Variants in ANKS1B observed in about 807,000 individuals in gnomAD.
The protein encoded by ANKS1B is ankyrin repeat and sterile alpha motif domain-containing protein 1B.
A neutral mutation model predicts 148.3 loss-of-function variants in ANKS1B; 36 were observed. The observed-to-expected ratio is 0.24, with a 90% CI of 0.19 to 0.32. ANKS1B has a LOEUF of 0.32. Among genes scored for constraint, ANKS1B ranks in the 10% least tolerant of loss-of-function variants. ANKS1B has a pLI of 1.00. For missense variants in ANKS1B, 1,157 were observed against 1,542.6 expected (o/e 0.75, Z 4.19); for synonymous variants, 542 against 560.8 (o/e 0.97, Z 0.47).
intron 9 of ANKS1B, chr12:99,648,229 G>T: frequency 6.2e-7 from 1 of 1,614,126 alleles, no homozygotes; most frequent in South Asian, 1.1e-5. Flanking sequence ...CCCCGCAATG[G>T]GCATGTTTAA....
intron 9 of ANKS1B, among the ~76,000 whole-genome samples, chr12:99,602,918 T>C (rs938880119): frequency 7.9e-5 from 12 of 152,110 alleles, no homozygotes; most frequent in Admixed American, 4.6e-4. Flanking sequence ...ATCTGACACA[T>C]AATTTTTCTC....
At chr12:98,893,106 C>T (rs2099756144) in intron 17 of ANKS1B, among the ~76,000 whole-genome samples, 1 of 152,154 alleles carries the variant, frequency 6.6e-6, no homozygotes, top group Non-Finnish European at 1.5e-5. Context: ...TTGTATGACA[C>T]TGGCATCAAG....
intron 1 of ANKS1B, among the ~76,000 whole-genome samples, chr12:99,951,378 C>T (rs1363545133): frequency 6.6e-6 from 1 of 152,150 alleles, no homozygotes; most frequent in Non-Finnish European, 1.5e-5. Context: ...TTGTATCAGG[C>T]AACCTGTAGC....
intron 8 of ANKS1B, among the ~76,000 whole-genome samples, chr12:99,674,259 TATAC>T (rs973657396): frequency 2.0e-5 from 3 of 151,872 alleles, no homozygotes; most frequent in African/African-American, 7.2e-5. Flanking sequence ...TTATATAAGT[TATAC>T]ATAAAGTGAG....
chr12:98,811,336 C>T (rs2099093903), intron 19 of ANKS1B, among the ~76,000 whole-genome samples: 1 of 152,198 alleles, frequency 6.6e-6, no homozygotes, highest in Non-Finnish European at 1.5e-5. Context: ...ACTCCTTCTG[C>T]ACATCCATGT....
At chr12:99,794,404 A>G (rs1420642916) in intron 4 of ANKS1B, among the ~76,000 whole-genome samples, 1 of 151,452 alleles carries the variant, frequency 6.6e-6, no homozygotes, top group Admixed American at 6.6e-5. Flanking sequence ...ACAATAGCCA[A>G]GATTTGGAAG....
intron 24 of ANKS1B, among the ~76,000 whole-genome samples, chr12:98,776,800 G>C (rs2098681569): frequency 6.6e-6 from 1 of 152,226 alleles, no homozygotes. Flanking sequence ...GAGCTAACTG[G>C]TGATGCCCTG....
In ANKS1B at chr12:98,844,737, G is replaced by A. The variant is rs1226268731; in HGVS notation, c.2779-12601C>T. 2.0e-5 allele frequency among the ~76,000 whole-genome samples: 3 copies of A among 152,148 alleles called. No homozygotes were observed. In the South Asian group the frequency reaches 6.2e-4, roughly 32 times the overall value. ...ATGGCTCTGTCATAACCTGTTGGGG[G>A]ACCACTGATTGAATGCCACAGGCTC... On this transcript the variant is annotated intron_variant, in intron 17 of 26. Coordinates refer to ENST00000683438, the MANE Select transcript of ANKS1B (RefSeq NM_001352186.2).
At chr12:99,330,512 A>G (rs2087300433) in intron 12 of ANKS1B, among the ~76,000 whole-genome samples, 1 of 152,010 alleles carries the variant, frequency 6.6e-6, no homozygotes, top group African/African-American at 2.4e-5. Flanking sequence ...TGATTGTTCT[A>G]TAAAACAAAT....
intron 22 of ANKS1B, among the ~76,000 whole-genome samples, chr12:98,794,256 G>A (rs1165030996): frequency 1.3e-5 from 2 of 151,918 alleles, no homozygotes; most frequent in African/African-American, 4.8e-5. Context: ...GCCAGGCATG[G>A]TGGCAGGCGC....
At chr12:99,240,965 C>T (rs948302288) in intron 14 of ANKS1B, among the ~76,000 whole-genome samples, 7 of 152,188 alleles carry the variant, frequency 4.6e-5, no homozygotes, top group East Asian at 3.9e-4. Context: ...AAAATTGACA[C>T]GCTAACATCA....
intron 25 of ANKS1B, among the ~76,000 whole-genome samples, chr12:98,758,873 C>T (rs566504573): frequency 2.7e-5 from 4 of 150,634 alleles, no homozygotes; most frequent in South Asian, 4.2e-4. Flanking sequence ...CTCCACCTCC[C>T]GGGTTCAAGT....
At chr12:99,022,639 G>A (rs2099946469) in intron 17 of ANKS1B, among the ~76,000 whole-genome samples, 1 of 151,982 alleles carries the variant, frequency 6.6e-6, no homozygotes, top group South Asian at 2.1e-4. Flanking sequence ...TCTGTGTTTT[G>A]TTACTGAATT....
intron 1 of ANKS1B, among the ~76,000 whole-genome samples, chr12:99,832,733 AAG>A (rs543241140): frequency 1.3e-4 from 19 of 150,838 alleles, no homozygotes; most frequent in East Asian, 9.7e-4. Flanking sequence ...TTAAAAAAAA[AAG>A]AGAGAGAGAG....
At chr12:99,874,458 G>T (rs1344677451) in intron 1 of ANKS1B, among the ~76,000 whole-genome samples, 1 of 152,034 alleles carries the variant, frequency 6.6e-6, no homozygotes, top group Non-Finnish European at 1.5e-5. Context: ...CTGAAATTTA[G>T]TTTTTCATTG....
At chr12:99,158,786 T>C (rs927196953) in intron 14 of ANKS1B, among the ~76,000 whole-genome samples, 1 of 152,148 alleles carries the variant, frequency 6.6e-6, no homozygotes, top group Non-Finnish European at 1.5e-5. Context: ...CTCATCTCCA[T>C]AGATGCTCCA....
At position 98,854,546 on chromosome 12, in the gene ANKS1B, A is replaced by C. The variant is rs903693450; in HGVS notation, c.2779-22410T>G. Among the ~76,000 whole-genome samples, 3 of 152,242 alleles carry C rather than the reference A, an allele frequency of 2.0e-5. No individual in the cohort carries two copies. The South Asian group carries it at 6.2e-4, about 31-fold the overall frequency. On this transcript the variant is annotated intron_variant, in intron 17 of 26. Coordinates refer to ENST00000683438, the MANE Select transcript of ANKS1B (RefSeq NM_001352186.2). Reference sequence around the variant, plus strand: ...GAAACAAGTTCAGGGAGGTTATGCAAGTCTGTTAGATTTTAACACTTGCAC... The same window carrying C: ...GAAACAAGTTCAGGGAGGTTATGCACGTCTGTTAGATTTTAACACTTGCAC...
chr12:99,145,216 C>T (rs547098822), intron 15 of ANKS1B, among the ~76,000 whole-genome samples: 3 of 152,160 alleles, frequency 2.0e-5, no homozygotes, highest in East Asian at 3.9e-4. Flanking sequence ...GACTTCTAAG[C>T]CAGGCCTTTG....
At chr12:99,705,353 C>T (rs1567681296) in intron 8 of ANKS1B, among the ~76,000 whole-genome samples, 1 of 151,904 alleles carries the variant, frequency 6.6e-6, no homozygotes, top group Non-Finnish European at 1.5e-5. Context: ...TCCTGTGTGC[C>T]CTCTTTCCTT....
Sources: allele counts gnomAD v4.1 joint callset (sites outside exome capture counted in the v4.1 genomes callset), GRCh38; gene constraint gnomAD v4.1.1; transcripts MANE v1.5; gene names NCBI Gene and HGNC (gene_info 2026-07-23, HGNC 2026-07-21).